The following SYT16 variants were observed in gnomAD, a reference collection of about 807,000 sequenced individuals.
SYT16 encodes the protein synaptotagmin 16.
SYT16 carries 42 observed loss-of-function variants against 61.4 expected under a neutral mutation model. That is an observed-to-expected ratio of 0.68 (90% CI 0.53 to 0.89). SYT16 has a LOEUF of 0.89. Ranked by LOEUF, SYT16 falls within the 40% of genes least tolerant of loss-of-function variation. The pLI, the probability that SYT16 is intolerant of heterozygous loss-of-function variation, is 0.00. For missense variants in SYT16, 804 were observed against 807.3 expected, an observed-to-expected ratio of 1.00 and a Z score of 0.05; for synonymous variants, 314 against 302.3, an observed-to-expected ratio of 1.04 and a Z score of -0.40.
At chr14:62,050,370 C>T (rs927980501) in intron 3 of SYT16, among the ~76,000 whole-genome samples, 4 of 152,064 alleles carry the variant, frequency 2.6e-5, no homozygotes, top group South Asian at 4.1e-4. Context: ...GTTAGCCATT[C>T]GTCCAATTTT....
intron 1 of SYT16, among the ~76,000 whole-genome samples, chr14:61,893,014 A>G (rs2048193903): frequency 6.6e-6 from 1 of 151,632 alleles, no homozygotes; most frequent in African/African-American, 2.4e-5. Context: ...GGAGTCCTTC[A>G]CTTCCAGGGC....
At chr14:61,912,182 C>G (rs2048958667) in intron 1 of SYT16, among the ~76,000 whole-genome samples, 1 of 152,240 alleles carries the variant, frequency 6.6e-6, no homozygotes, top group Non-Finnish European at 1.5e-5. Flanking sequence ...TGCTGGGAGA[C>G]TAAGAATTTA....
At chr14:62,092,092 A>C (rs2057097692) in intron 7 of SYT16, among the ~76,000 whole-genome samples, 1 of 151,806 alleles carries the variant, frequency 6.6e-6, no homozygotes, top group African/African-American at 2.4e-5. Flanking sequence ...ATATGAAAAA[A>C]TGCTCAAAAT....
chr14:61,918,772 T>A (rs2049217832), intron 1 of SYT16, among the ~76,000 whole-genome samples: 1 of 152,018 alleles, frequency 6.6e-6, no homozygotes, highest in African/African-American at 2.4e-5. Flanking sequence ...TTTTTCTTGT[T>A]TGTGTTCTGA....
intron 3 of SYT16, among the ~76,000 whole-genome samples, chr14:62,010,189 T>C (rs541673614): frequency 1.2e-4 from 19 of 152,310 alleles, no homozygotes; most frequent in African/African-American, 4.3e-4. Context: ...TTCTGGAAAT[T>C]ATAGGTAACT....
intron 3 of SYT16, among the ~76,000 whole-genome samples, chr14:62,042,189 G>A (rs979648035): frequency 6.6e-6 from 1 of 151,510 alleles, no homozygotes; most frequent in African/African-American, 2.4e-5. Flanking sequence ...TTTTTGTGGG[G>A]GTGGGATCTT....
At chr14:61,888,125 C>CTTT (rs756842240) in intron 1 of SYT16, among the ~76,000 whole-genome samples, 5 of 134,190 alleles carry the variant, frequency 3.7e-5, no homozygotes, top group Admixed American at 7.5e-5. Flanking sequence ...CTTTTCTTTT[C>CTTT]TTTTTTTTTT....
At chr14:62,000,352 TA>T (rs1257390839) in intron 3 of SYT16, among the ~76,000 whole-genome samples, 1 of 151,798 alleles carries the variant, frequency 6.6e-6, no homozygotes. Context: ...TTTCTTGTCC[TA>T]AATTCTACTT....
intron 1 of SYT16, among the ~76,000 whole-genome samples, chr14:61,833,392 A>C (rs1387056685): frequency 1.3e-5 from 2 of 150,846 alleles, no homozygotes; most frequent in African/African-American, 4.9e-5. Context: ...TCCCGGGTTC[A>C]AGCGATTTTC....
At chr14:62,034,764 G>A (rs931330928) in intron 3 of SYT16, among the ~76,000 whole-genome samples, 9 of 152,218 alleles carry the variant, frequency 5.9e-5, no homozygotes, top group South Asian at 2.1e-4. Flanking sequence ...TTTCCTTTTC[G>A]TGTGGTGAAA....
intron 5 of SYT16, among the ~76,000 whole-genome samples, chr14:62,077,013 A>G (rs1194543648): frequency 2.0e-5 from 3 of 152,232 alleles, no homozygotes; most frequent in Non-Finnish European, 4.4e-5. Flanking sequence ...TGGTGCTCCT[A>G]CAGTAGAACC....
chr14:61,879,333 TGAA>T (rs2047609978), intron 1 of SYT16, among the ~76,000 whole-genome samples: 1 of 152,220 alleles, frequency 6.6e-6, no homozygotes. Flanking sequence ...ATTACAACTG[TGAA>T]GAAGTAAGGA....
At chr14:62,049,173 A>G (rs2055148341) in intron 3 of SYT16, among the ~76,000 whole-genome samples, 3 of 152,220 alleles carry the variant, frequency 2.0e-5, no homozygotes, top group African/African-American at 4.8e-5. Context: ...TATTGGGTAC[A>G]TATATATTTA....
chr14:62,015,207 G>A (rs1352034124), intron 3 of SYT16, among the ~76,000 whole-genome samples: 2 of 151,930 alleles, frequency 1.3e-5, no homozygotes, highest in Non-Finnish European at 2.9e-5. Flanking sequence ...ACTCAAATCT[G>A]TAGACTCTTT....
intron 7 of SYT16, among the ~76,000 whole-genome samples, chr14:62,097,656 T>C (rs2057312631): frequency 6.6e-6 from 1 of 152,260 alleles, no homozygotes. Flanking sequence ...GTCTTCAGAC[T>C]GGATTGCTTT....
rs1425536466 is a variant in SYT16, at chr14:61,919,640, G to A, written c.-324-50492G>A. Among the ~76,000 whole-genome samples, 6 of 152,134 alleles carry A rather than the reference G, an allele frequency of 3.9e-5. 1 individual carries two copies. In the East Asian group the frequency reaches 1.2e-3, roughly 29 times the overall value. Reference sequence around the variant, plus strand: ...ATCTGATTCCCTCTGCCAGTTTTAAGAACCCTTGTGATTCCATTGGACCCA... The same window carrying A: ...ATCTGATTCCCTCTGCCAGTTTTAAAAACCCTTGTGATTCCATTGGACCCA... On this transcript the variant is annotated intron_variant, in intron 1 of 7. Transcript: ENST00000683842.
At chr14:62,091,406 A>G (rs1293865632) in intron 7 of SYT16, among the ~76,000 whole-genome samples, 1 of 152,230 alleles carries the variant, frequency 6.6e-6, no homozygotes, top group African/African-American at 2.4e-5. Flanking sequence ...TGAACAAATA[A>G]ATTGGTTAAC....
intron 1 of SYT16, among the ~76,000 whole-genome samples, chr14:61,941,857 A>G (rs1230945187): frequency 3.3e-5 from 5 of 152,238 alleles, no homozygotes; most frequent in Non-Finnish European, 5.9e-5. Context: ...TGTCTTAAAT[A>G]CAAGTCAATA....
At chr14:62,075,714 A>G (rs1487700070) in intron 5 of SYT16, among the ~76,000 whole-genome samples, 2 of 151,978 alleles carry the variant, frequency 1.3e-5, no homozygotes, top group Non-Finnish European at 2.9e-5. Context: ...ACTTAATTTT[A>G]AATAATGGAA....
Sources: allele counts gnomAD v4.1 joint callset (sites outside exome capture counted in the v4.1 genomes callset), GRCh38; gene constraint gnomAD v4.1.1; transcripts MANE v1.5; gene names NCBI Gene and HGNC (gene_info 2026-07-23, HGNC 2026-07-21).